The following FOXP2 variants were observed in gnomAD, a reference collection of about 807,000 sequenced individuals.
FOXP2 encodes the protein forkhead box P2.
A neutral mutation model predicts 115.8 loss-of-function variants in FOXP2; 12 were observed. The ratio of observed to expected loss-of-function variants is 0.10; its 90% CI spans 0.07 to 0.17. The LOEUF (loss-of-function observed/expected upper bound fraction) is 0.17, where lower values mean the gene tolerates loss of function less well. FOXP2 is among the 10% of genes least tolerant of loss of function. FOXP2 has a pLI of 1.00. For synonymous variants in FOXP2, 328 were observed against 297.7 expected, an observed-to-expected ratio of 1.10 and a Z score of -1.05; for missense variants, 629 against 843.5, an observed-to-expected ratio of 0.75 and a Z score of 3.15.
chr7:114,532,294 T>C (rs183212428), intron 2 of FOXP2, among the ~76,000 whole-genome samples: 2 of 151,960 alleles, frequency 1.3e-5, no homozygotes, highest in African/African-American at 4.8e-5. Context: ...GTTGTTCTAT[T>C]CGTTTACAGA....
intron 2 of FOXP2, among the ~76,000 whole-genome samples, chr7:114,383,701 GT>G (rs972442513): frequency 6.6e-6 from 1 of 151,560 alleles, no homozygotes; most frequent in African/African-American, 2.4e-5. Context: ...AATATAAGTC[GT>G]TTCTTTCTTA....
chr7:114,598,384 G>A (rs1802837681), intron 3 of FOXP2, among the ~76,000 whole-genome samples: 1 of 152,044 alleles, frequency 6.6e-6, no homozygotes, highest in South Asian at 2.1e-4. Flanking sequence ...GATGGATACT[G>A]CCTTACAACA....
At chr7:114,601,959 A>G (rs1803056013) in intron 3 of FOXP2, among the ~76,000 whole-genome samples, 1 of 152,052 alleles carries the variant, frequency 6.6e-6, no homozygotes, top group South Asian at 2.1e-4. Flanking sequence ...TAATGTAAAG[A>G]TCTATATATG....
Position 114,426,610 on chromosome 7 carries a change from T to C in FOXP2, c.99T>C (p.Asp33=), listed in dbSNP as rs1362134492. ...GCCAATTAGATGCTGGCAGCAGAGA[T>C]GGAAGATCAAGTGGTGACACCAGCT... ...LSSQLDAGSR[D]GRSSGDTSSE... Residue 33 remains aspartate (D), a synonymous_variant, in exon 2 of 17, where the codon GAT becomes GAC. Coordinates refer to ENST00000350908, the MANE Select transcript of FOXP2 (RefSeq NM_014491.4). 2.9e-5 allele frequency: 47 copies of C among 1,611,600 alleles called. No individual in the cohort carries two copies. The highest frequency in any genetic ancestry group is 3.7e-5 in the Non-Finnish European group (44 of 1,178,452).
chr7:114,690,353 G>A lies in FOXP2; in HGVS notation c.*427G>A. On this transcript the variant is annotated 3_prime_UTR_variant, in exon 17 of 17. Transcript: ENST00000350908. Reference sequence around the variant, plus strand: ...AATGTGAATTTTCCAGCATTCAGTAGTTGTAATGTTAGAAACAATTGCTGG... The same window carrying A: ...AATGTGAATTTTCCAGCATTCAGTAATTGTAATGTTAGAAACAATTGCTGG... 1 of 454,196 alleles carries A rather than the reference G, an allele frequency of 2.2e-6. No individual in the cohort carries two copies. The allele number at this position is 454,196 out of a possible 1,614,324, so 28.1% of individuals were successfully genotyped here. A position where few individuals can be genotyped will look rare whatever the true frequency, so the allele number is the denominator to read the frequency against.
At chr7:114,246,139 C>T (rs578178873) in intron 1 of FOXP2, among the ~76,000 whole-genome samples, 10 of 151,996 alleles carry the variant, frequency 6.6e-5, no homozygotes, top group African/African-American at 1.4e-4. Context: ...GTATGATATT[C>T]AGAAACAAGC....
chr7:114,287,449 A>C (rs571352199), intron 1 of FOXP2, among the ~76,000 whole-genome samples: 2 of 151,972 alleles, frequency 1.3e-5, no homozygotes, highest in Non-Finnish European at 2.9e-5. Context: ...AATCTCTCAG[A>C]TTAAAGAAGG....
chr7:114,458,898 G>A (rs922176782), intron 2 of FOXP2, among the ~76,000 whole-genome samples: 1 of 152,174 alleles, frequency 6.6e-6, no homozygotes, highest in Non-Finnish European at 1.5e-5. Context: ...TCTGTGGACC[G>A]AGGGAGGTGC....
intron 1 of FOXP2, among the ~76,000 whole-genome samples, chr7:114,272,611 C>G (rs1487196007): frequency 1.3e-5 from 2 of 151,804 alleles, no homozygotes; most frequent in South Asian, 4.1e-4. Flanking sequence ...GTTTTGGCAG[C>G]TTGTGTCTTT....
intron 2 of FOXP2, among the ~76,000 whole-genome samples, chr7:114,390,943 C>T (rs1792582385): frequency 6.6e-6 from 1 of 152,122 alleles, no homozygotes. Flanking sequence ...AATCCCAGCA[C>T]TTTGGGAGGC....
chr7:114,203,714 T>C (rs1751479323), intron 1 of FOXP2, among the ~76,000 whole-genome samples: 1 of 152,174 alleles, frequency 6.6e-6, no homozygotes, highest in African/African-American at 2.4e-5. Flanking sequence ...AGCTAGTTCT[T>C]TTCTCCTTTC....
At chr7:114,671,680 G>T (rs183955717) in intron 16 of FOXP2, among the ~76,000 whole-genome samples, 1 of 150,492 alleles carries the variant, frequency 6.6e-6, no homozygotes, top group African/African-American at 2.4e-5. Flanking sequence ...CAGTACCAGG[G>T]AAAAAAAAAT....
intron 2 of FOXP2, among the ~76,000 whole-genome samples, chr7:114,442,567 C>T (rs563200079): frequency 1.8e-3 from 272 of 152,178 alleles, no homozygotes; most frequent in South Asian, 3.5e-3. Context: ...AGGTGATTCT[C>T]CCACCTCAGC....
intron 2 of FOXP2, among the ~76,000 whole-genome samples, chr7:114,301,238 T>C (rs1411959162): frequency 6.6e-6 from 1 of 152,070 alleles, no homozygotes; most frequent in African/African-American, 2.4e-5. Flanking sequence ...AATATTACTT[T>C]GATATAAGAA....
chr7:114,638,811 C>T (rs1430849342), intron 6 of FOXP2, among the ~76,000 whole-genome samples: 4 of 152,046 alleles, frequency 2.6e-5, no homozygotes, highest in Admixed American at 6.6e-5. Context: ...GATCCACTGC[C>T]GCTAAAAGGA....
chr7:114,638,956 T>C (rs1179231048), intron 6 of FOXP2, among the ~76,000 whole-genome samples: 1 of 152,226 alleles, frequency 6.6e-6, no homozygotes, highest in Non-Finnish European at 1.5e-5. Flanking sequence ...ATTGAGGGCC[T>C]ACTAACTGCC....
At chr7:114,381,599 A>G (rs1169840007) in intron 2 of FOXP2, among the ~76,000 whole-genome samples, 1 of 152,218 alleles carries the variant, frequency 6.6e-6, no homozygotes, top group Non-Finnish European at 1.5e-5. Context: ...CTTAAGGTCC[A>G]GGACTGTAAA....
At chr7:114,416,566 A>C (rs111231764) in intron 1 of FOXP2, 55 of 150,810 alleles carry the variant, frequency 3.6e-4, no homozygotes, top group African/African-American at 1.2e-3. Flanking sequence ...TAGATCTTGA[A>C]TCACTTTCAC....
At chr7:114,145,115 C>T (rs964042730) in intron 1 of FOXP2, among the ~76,000 whole-genome samples, 1 of 152,136 alleles carries the variant, frequency 6.6e-6, no homozygotes, top group African/African-American at 2.4e-5. Context: ...ACCACCTATT[C>T]TCCATGACAT....
Sources: gnomAD v4.1 joint callset for allele counts (sites outside exome capture counted in the v4.1 genomes callset) on GRCh38, gnomAD v4.1.1 for gene constraint, MANE v1.5 for transcripts, NCBI Gene and HGNC (gene_info 2026-07-23, HGNC 2026-07-21) for gene names.